Variants in FRMD3 observed in about 807,000 individuals in gnomAD.
FRMD3 encodes FERM domain containing 3.
FRMD3 carries 33 observed loss-of-function variants against 70.2 expected under a neutral mutation model. That is an observed-to-expected ratio of 0.47 (90% CI 0.36 to 0.63). The LOEUF (loss-of-function observed/expected upper bound fraction) is 0.63, where lower values mean the gene tolerates loss of function less well. FRMD3 is among the 20% of genes least tolerant of loss of function. The pLI is 0.00. For synonymous variants in FRMD3, 279 were observed against 255.9 expected, an observed-to-expected ratio of 1.09 and a Z score of -0.86; for missense variants, 632 against 711.4, an observed-to-expected ratio of 0.89 and a Z score of 1.27.
At chr9:83,444,394 G>A (rs1469534605) in intron 1 of FRMD3, among the ~76,000 whole-genome samples, 5 of 152,218 alleles carry the variant, frequency 3.3e-5, no homozygotes, top group African/African-American at 1.2e-4. Flanking sequence ...AGACAGTCGG[G>A]GCTGCCCAGA....
chr9:83,442,719 A>G (rs949796211), intron 1 of FRMD3, among the ~76,000 whole-genome samples: 1 of 151,752 alleles, frequency 6.6e-6, no homozygotes, highest in South Asian at 2.1e-4. Flanking sequence ...TAGTAATCAC[A>G]GCGTGCAGGG....
intron 13 of FRMD3, among the ~76,000 whole-genome samples, chr9:83,280,892 C>G (rs1211580580): frequency 6.6e-6 from 1 of 152,006 alleles, no homozygotes; most frequent in East Asian, 2.0e-4. Context: ...AATTCACCAT[C>G]TGCCAAACCA....
chr9:83,343,454 G>T (rs184034950), intron 4 of FRMD3, among the ~76,000 whole-genome samples, 167 bp from the exon 5 acceptor site: 1 of 151,968 alleles, frequency 6.6e-6, no homozygotes, highest in Non-Finnish European at 1.5e-5. Context: ...GCTGAGAGGG[G>T]CCCTCTGAAT....
intron 8 of FRMD3, among the ~76,000 whole-genome samples, chr9:83,311,678 G>A (rs1564008944): frequency 6.6e-6 from 1 of 152,072 alleles, no homozygotes; most frequent in East Asian, 1.9e-4. Context: ...GAGCCCCTGA[G>A]CCCACGCCTC....
intron 1 of FRMD3, among the ~76,000 whole-genome samples, chr9:83,490,763 TTCTCTCTCTCTCTCTC>T (rs67058664): frequency 3.1e-5 from 4 of 129,222 alleles, no homozygotes; most frequent in African/African-American, 8.5e-5. Context: ...TTTTACTCTC[TTCTCTCTCTCTCTCTC>T]TCTCTCTCTC....
At chr9:83,430,429 T>C (rs1826940237) in intron 1 of FRMD3, among the ~76,000 whole-genome samples, 1 of 152,210 alleles carries the variant, frequency 6.6e-6, no homozygotes, top group African/African-American at 2.4e-5. Context: ...TGTAAATGTA[T>C]ATCATGTGGG....
chr9:83,377,486 G>A (rs370918193), intron 2 of FRMD3, among the ~76,000 whole-genome samples: 1 of 151,944 alleles, frequency 6.6e-6, no homozygotes, highest in African/African-American at 2.4e-5. Flanking sequence ...CAATGTTGGA[G>A]GTGGGGCCTG....
chr9:83,400,767 A>G (rs1564059023), intron 1 of FRMD3, among the ~76,000 whole-genome samples: 1 of 152,216 alleles, frequency 6.6e-6, no homozygotes, highest in African/African-American at 2.4e-5. Flanking sequence ...AAAAGTCCCC[A>G]AAGGATAAAA....
rs191295527 is a variant in FRMD3 at position 83,515,218 on chromosome 9, G to A, written c.147+22867C>T. On this transcript the variant is annotated intron_variant, in intron 1 of 13. Transcript: ENST00000304195. ...AACCTAATGCAAGGAAGCTAAGAAC[G>A]TTGATAAAAGGTTAGAAGAATTGCT... 4.5e-3 allele frequency among the ~76,000 whole-genome samples: 684 copies of A among 152,274 alleles called. 7 individuals are homozygous for A. Among genetic ancestry groups the A allele is most frequent in the African/African-American group, 0.012 (505 of 41,568 alleles).
At chr9:83,267,444 C>G (rs1396705363) in intron 13 of FRMD3, among the ~76,000 whole-genome samples, 1 of 152,224 alleles carries the variant, frequency 6.6e-6, no homozygotes, top group African/African-American at 2.4e-5. Context: ...AATGCCTCAT[C>G]ATTTCCTAAG....
intron 1 of FRMD3, among the ~76,000 whole-genome samples, chr9:83,450,989 C>A (rs1827637131): frequency 6.6e-6 from 1 of 152,192 alleles, no homozygotes; most frequent in Admixed American, 6.6e-5. Context: ...TGCTCTGAGG[C>A]ATCAGCAATC....
At chr9:83,386,332 G>A (rs1189176342) in intron 2 of FRMD3, among the ~76,000 whole-genome samples, 1 of 152,190 alleles carries the variant, frequency 6.6e-6, no homozygotes, top group African/African-American at 2.4e-5. Context: ...AATGCAGAGA[G>A]AAGTATTCAG....
At chr9:83,451,374 A>G (rs1827650000) in intron 1 of FRMD3, among the ~76,000 whole-genome samples, 1 of 135,292 alleles carries the variant, frequency 7.4e-6, no homozygotes, top group Non-Finnish European at 1.5e-5. Flanking sequence ...ACACACAAGC[A>G]CACAAATACA....
the FRMD3 span, among the ~76,000 whole-genome samples, chr9:83,558,282 G>A: frequency 4.5e-4 from 68 of 152,232 alleles, no homozygotes; most frequent in South Asian, 3.5e-3. Context: ...GTGTGTGCGC[G>A]CGCGCACGCA....
At chr9:83,535,833 TC>T (rs890640668) in intron 1 of FRMD3, among the ~76,000 whole-genome samples, 4 of 152,162 alleles carry the variant, frequency 2.6e-5, no homozygotes. Context: ...ATATATACAA[TC>T]CTTTAACTTT....
chr9:83,267,349 C>A, intron 13 of FRMD3: 2 of 1,368,244 alleles, frequency 1.5e-6, no homozygotes, highest in Non-Finnish European at 9.5e-7. Context: ...CTCCACTCAC[C>A]CCTCTAACAA....
downstream of FRMD3, chr9:83,244,615 C>CA: frequency 1.0e-6 from 1 of 969,906 alleles, no homozygotes; most frequent in Non-Finnish European, 1.2e-6. Flanking sequence ...TGAATGATTG[C>CA]AAAAAATTTT....
intron 6 of FRMD3, among the ~76,000 whole-genome samples, chr9:83,334,852 G>C (rs1724781549): frequency 6.6e-6 from 1 of 152,150 alleles, no homozygotes; most frequent in South Asian, 2.1e-4. Flanking sequence ...ACCTTGGGTA[G>C]GTTGTTTAAC....
At chr9:83,420,224 G>T (rs914932908) in intron 1 of FRMD3, among the ~76,000 whole-genome samples, 1 of 152,178 alleles carries the variant, frequency 6.6e-6, no homozygotes, top group Non-Finnish European at 1.5e-5. Context: ...GATGATGATA[G>T]AAAGTGGGAA....
Sources: allele counts gnomAD v4.1 joint callset (sites outside exome capture counted in the v4.1 genomes callset), GRCh38; gene constraint gnomAD v4.1.1; transcripts MANE v1.5; gene names NCBI Gene and HGNC (gene_info 2026-07-23, HGNC 2026-07-21).